The following UBE3B variants were observed in gnomAD, a reference collection of about 807,000 sequenced individuals.
UBE3B encodes the protein ubiquitin-protein ligase E3B.
In UBE3B, 80 loss-of-function variants were observed where a neutral mutation model predicts 132.3. That is an observed-to-expected ratio of 0.60 (90% CI 0.50 to 0.73). The LOEUF (loss-of-function observed/expected upper bound fraction) is 0.73, where lower values mean the gene tolerates loss of function less well. UBE3B is among the 30% of genes least tolerant of loss of function. The probability of loss-of-function intolerance (pLI) is 0.00; values close to 1 mark genes in which losing one functional copy is unlikely to be tolerated. For synonymous variants in UBE3B, 487 were observed against 520.4 expected (o/e 0.94, Z 0.87); for missense variants, 1,196 against 1,362.5 (o/e 0.88, Z 1.92).
Position 109,499,625 on chromosome 12 carries a change from C to T in UBE3B, c.941-8C>T. 1 of 1,581,384 alleles carries T rather than the reference C, an allele frequency of 6.3e-7. No individual in the cohort carries two copies. Among genetic ancestry groups the T allele is most frequent in the Non-Finnish European group, 8.6e-7 (1 of 1,162,462 alleles). On this transcript the variant is annotated splice_region_variant and splice_polypyrimidine_tract_variant and intron_variant, in intron 11 of 27. Coordinates refer to ENST00000342494, the MANE Select transcript of UBE3B (RefSeq NM_130466.4). ...GGGCCCATCACACTCAGCCTTCTCT[C>T]TCTGTAGGCAACCTCCTACACTTGG...
intron 5 of UBE3B, 110 bp from the exon 6 acceptor site, chr12:109,486,361 C>T: frequency 1.1e-6 from 1 of 895,234 alleles, no homozygotes; most frequent in Non-Finnish European, 1.7e-6. Flanking sequence ...TTCAGGTCCA[C>T]TGCTTTATCT....
downstream of UBE3B, among the ~76,000 whole-genome samples, chr12:109,539,057 G>A (rs1181852314): frequency 6.6e-6 from 1 of 152,308 alleles, no homozygotes; most frequent in East Asian, 1.9e-4. Flanking sequence ...CCAATACGGT[G>A]AAACCCTGTC....
chr12:109,498,145 C>G, intron 10 of UBE3B, 88 bp from the exon 11 acceptor site: 1 of 1,556,560 alleles, frequency 6.4e-7, no homozygotes, highest in Non-Finnish European at 8.7e-7. Context: ...CCTCCATAAC[C>G]ACGGGTGATC....
chr12:109,532,201 T>A (rs1345347480), intron 26 of UBE3B, among the ~76,000 whole-genome samples: 3 of 152,152 alleles, frequency 2.0e-5, no homozygotes, highest in African/African-American at 7.2e-5. Flanking sequence ...TCTGTGTCTG[T>A]CCCCTTATTC....
chr12:109,543,336 T>G, the UBE3B span, among the ~76,000 whole-genome samples: 3 of 152,110 alleles, frequency 2.0e-5, no homozygotes, highest in Non-Finnish European at 4.4e-5. Context: ...GAAACCAGCC[T>G]CATGCAGACA....
chr12:109,535,105 G>A lies in UBE3B; in HGVS notation c.*323G>A, dbSNP rs111602438. ...TTTGGGAGTCTGTCTTTCCTTAGCCGTCTGAGTGAGCTGTGTATGAACAAG... is the reference window on the plus strand; with the variant it reads ...TTTGGGAGTCTGTCTTTCCTTAGCCATCTGAGTGAGCTGTGTATGAACAAG... On this transcript the variant is annotated 3_prime_UTR_variant, in exon 28 of 28. Coordinates refer to ENST00000342494, the MANE Select transcript of UBE3B (RefSeq NM_130466.4). 1.7e-4 allele frequency: 39 copies of A among 228,444 alleles called. No homozygotes were observed. The highest frequency in any genetic ancestry group is 2.9e-4 in the African/African-American group (13 of 44,456). The allele number at this position is 228,444 out of a possible 1,614,324, so 14.2% of individuals were successfully genotyped here.
chr12:109,485,514 C>T (rs986963478), intron 4 of UBE3B, among the ~76,000 whole-genome samples: 5 of 152,184 alleles, frequency 3.3e-5, no homozygotes, highest in African/African-American at 1.2e-4. Flanking sequence ...AGGGCGGATC[C>T]AGGATTGGTA....
At position 109,486,002 on chromosome 12, in the gene UBE3B, C is replaced by G. The variant is rs1286757485; in HGVS notation, c.283-10C>G. Reference sequence around the variant, plus strand: ...TGGGAATGTATAACCCCCAGTGTGTCTCTTTGCAGAGATTTGAGAAGTTGT... The same window carrying G: ...TGGGAATGTATAACCCCCAGTGTGTGTCTTTGCAGAGATTTGAGAAGTTGT... On this transcript the variant is annotated splice_polypyrimidine_tract_variant and intron_variant, in intron 4 of 27. Transcript: ENST00000342494. 5 of 1,552,868 alleles carry G rather than the reference C, an allele frequency of 3.2e-6. No homozygotes were observed. The South Asian group carries it at 5.9e-5, about 18-fold the overall frequency.
rs541227244 is a variant in UBE3B at position 109,529,766 on chromosome 12, C to T, written c.2628-124C>T. 4.0e-5 allele frequency: 44 copies of T among 1,112,144 alleles called. No individual in the cohort carries two copies. In the South Asian group the frequency reaches 6.1e-4, roughly 15 times the overall value. 68.9% of individuals were successfully genotyped at this position (1,112,144 alleles called of 1,614,324 possible). On this transcript the variant is annotated intron_variant, in intron 24 of 27. Coordinates refer to ENST00000342494, the MANE Select transcript of UBE3B (RefSeq NM_130466.4). ...CCATTGTCATTGTTCTGATGAAACA[C>T]TCTGGTACTATTTGTGTTTTTTGTA... is the stretch of plus-strand genomic sequence containing the variant.
At position 109,524,086 on chromosome 12, in the gene UBE3B, G is replaced by C. The variant is rs779946643; in HGVS notation, c.2473G>C (p.Glu825Gln). ...SVDELPSLDS[E>Q]FYKNLTSIKR... ...GGATGAACTGCCTTCTCTGGACTCC[G>C]AGTTCTATAAAAACCTCACCTCCAT... is the stretch of plus-strand genomic sequence containing the variant. Residue 825 changes from glutamate (E) to glutamine (Q), a missense_variant, in exon 22 of 28, where the codon GAG becomes CAG. Transcript: ENST00000342494. 6.2e-7 allele frequency: 1 copy of C among 1,614,154 alleles called. No homozygotes were observed. The highest frequency in any genetic ancestry group is 1.7e-5 in the Admixed American group (1 of 60,034).
intron 19 of UBE3B, chr12:109,519,758 A>G (rs765099758): frequency 3.3e-5 from 5 of 152,186 alleles, no homozygotes; most frequent in Non-Finnish European, 4.4e-5. Context: ...ATGATTCTCA[A>G]ACTTTATGTA....
rs56007067 is a variant in UBE3B, at chr12:109,485,070, T to A, written c.283-942T>A. 8.6e-3 allele frequency among the ~76,000 whole-genome samples: 1,317 copies of A among 152,350 alleles called. 8 individuals are homozygous for A. Among genetic ancestry groups the A allele is most frequent in the Non-Finnish European group, 0.015 (1,022 of 68,030 alleles). On this transcript the variant is annotated intron_variant, in intron 4 of 27. Coordinates refer to ENST00000342494, the MANE Select transcript of UBE3B (RefSeq NM_130466.4). ...CCATCAATGTTCTAATTTGTAAATC[T>A]TGGCAATTAATTTGAAATTTTTTAA... is the stretch of plus-strand genomic sequence containing the variant.
intron 12 of UBE3B, among the ~76,000 whole-genome samples, chr12:109,500,201 T>C (rs1476763620): frequency 6.6e-6 from 1 of 152,214 alleles, no homozygotes; most frequent in Non-Finnish European, 1.5e-5. Flanking sequence ...TCAAAGGGAA[T>C]AGAAATCACC....
At chr12:109,488,476 C>T (rs1474581297) in intron 6 of UBE3B, 96 bp from the exon 7 acceptor site, 4 of 1,094,284 alleles carry the variant, frequency 3.7e-6, no homozygotes, top group Non-Finnish European at 5.6e-6. Flanking sequence ...TCAGTGATTC[C>T]AGGCTGAGTG....
intron 26 of UBE3B, among the ~76,000 whole-genome samples, chr12:109,532,371 G>A (rs1055416900): frequency 2.0e-5 from 3 of 152,184 alleles, no homozygotes; most frequent in African/African-American, 7.2e-5. Context: ...AATAGGAATA[G>A]ATCTTGTTAA....
chr12:109,530,182 T>A (rs940305349), intron 25 of UBE3B, 110 bp downstream of exon 25: 4 of 1,268,062 alleles, frequency 3.2e-6, no homozygotes, highest in Non-Finnish European at 4.4e-6. Flanking sequence ...TCTCCAGATC[T>A]CCTTCTCCTC....
At chr12:109,539,548 C>T (rs34785014), downstream of UBE3B, among the ~76,000 whole-genome samples, 19,049 of 152,210 alleles carry the variant, frequency 0.13, 1,471 homozygotes, top group Non-Finnish European at 0.17. Flanking sequence ...TTCCATGAAA[C>T]GAGGATAGCA....
At position 109,490,186 on chromosome 12, in the gene UBE3B, G is replaced by A. The variant is rs2135834835; in HGVS notation, c.630+182G>A. ...TTGTCTCACTTGTGGGTCAGGTAAA[G>A]GGAGGACAGTGGTGCTGGGATCCCT... On this transcript the variant is annotated intron_variant, in intron 8 of 27. Coordinates refer to ENST00000342494, the MANE Select transcript of UBE3B (RefSeq NM_130466.4). The A allele has an allele frequency of 1.0e-5, 9 of 862,876 alleles. No homozygotes were observed. In the Admixed American group the frequency reaches 1.8e-4, roughly 17 times the overall value. The allele number at this position is 862,876 out of a possible 1,614,324, so 53.5% of individuals were successfully genotyped here.
At chr12:109,509,294 G>A in intron 15 of UBE3B, 1 of 182,698 alleles carries the variant, frequency 5.5e-6, no homozygotes, top group Non-Finnish European at 1.1e-5. Context: ...TAGGATACAT[G>A]TGCTGAAAGT....
Sources: allele counts gnomAD v4.1 joint callset (sites outside exome capture counted in the v4.1 genomes callset), GRCh38; gene constraint gnomAD v4.1.1; transcripts MANE v1.5; gene names NCBI Gene and HGNC (gene_info 2026-07-23, HGNC 2026-07-21).